The following ETV4 variants were observed in gnomAD, a reference collection of about 807,000 sequenced individuals.
The protein encoded by ETV4 is ETS variant transcription factor 4, also known as ETS translocation variant 4.
A neutral mutation model predicts 65.9 loss-of-function variants in ETV4; 42 were observed. The observed-to-expected ratio is 0.64, with a 90% CI of 0.50 to 0.82. The LOEUF is 0.82. Among genes scored for constraint, ETV4 ranks in the 40% least tolerant of loss-of-function variants. The pLI, the probability that ETV4 is intolerant of heterozygous loss-of-function variation, is 0.00. For missense variants in ETV4, 583 were observed against 630.3 expected (o/e 0.92, Z 0.80); for synonymous variants, 238 against 260.0 (o/e 0.92, Z 0.81).
Position 43,530,195 on chromosome 17 carries a change from AG to A in ETV4, c.812-15del, listed in dbSNP as rs954615547. 3.2e-6 allele frequency: 5 copies of A among 1,553,188 alleles called. No individual in the cohort carries two copies. In the African/African-American group the frequency reaches 6.8e-5, roughly 21 times the overall value. ...ACCCGGTGACATCTGTGGGGGAAGA[AG>A]GGGTGATGTGAGAAGTGGCTTGGGG... On this transcript the variant is annotated splice_polypyrimidine_tract_variant and intron_variant, in intron 8 of 12. Coordinates refer to ENST00000319349, the MANE Select transcript of ETV4 (RefSeq NM_001079675.5).
rs1386698866 is a variant in ETV4 at position 43,529,918 on chromosome 17, T to C, written c.921A>G (p.Pro307=). The part of the protein sequence containing the change: ...YGYEKPLRPF[P]DDVCVVPEKF... ...TCTCAGGGACAACGCAGACATCATCTGGGAATGGTCGCAGAGGTTTCTCAT... is the reference window on the plus strand; with the variant it reads ...TCTCAGGGACAACGCAGACATCATCCGGGAATGGTCGCAGAGGTTTCTCAT... Residue 307 remains proline (P), a synonymous_variant, in exon 10 of 13, where the codon CCA becomes CCG. Coordinates refer to ENST00000319349, the MANE Select transcript of ETV4 (RefSeq NM_001079675.5). 8.7e-6 allele frequency: 14 copies of C among 1,614,062 alleles called. No individual in the cohort carries two copies. In the East Asian group the frequency reaches 8.9e-5, roughly 10 times the overall value.
intron 12 of ETV4, 46 bp from the exon 13 acceptor site, chr17:43,528,789 C>T (rs776677055): frequency 1.3e-6 from 2 of 1,533,814 alleles, no homozygotes; most frequent in East Asian, 2.3e-5. Context: ...GCCGCCCAGC[C>T]TTTGTATGGG....
At position 43,545,584 on chromosome 17, in the gene ETV4, G is replaced by C; in HGVS notation, c.34C>G (p.Gln12Glu). ...ERRMKAGYLDQQVPYTFSSKS... is the reference protein window; with the variant it reads ...ERRMKAGYLDEQVPYTFSSKS... Reference sequence around the variant, plus strand: ...CTGCTGAAGGTGTAGGGCACTTGCTGGTCCAAGTATCCGGCTTTCATCCTC... The same window carrying C: ...CTGCTGAAGGTGTAGGGCACTTGCTCGTCCAAGTATCCGGCTTTCATCCTC... The change falls in exon 2 of 13, where the codon CAG becomes GAG. Residue 12 changes from glutamine (Q) to glutamate (E), a missense_variant. Transcript: ENST00000319349. 1 of 1,550,878 alleles carries C rather than the reference G, an allele frequency of 6.4e-7. No individual in the cohort carries two copies. The highest frequency in any genetic ancestry group is 8.7e-7 in the Non-Finnish European group (1 of 1,146,874).
Position 43,529,103 on chromosome 17 carries a change from C to G in ETV4, c.1230+32G>C, listed in dbSNP as rs769840030. 31 of 1,605,390 alleles carry G rather than the reference C, an allele frequency of 1.9e-5. 1 individual carries two copies. The highest frequency in any genetic ancestry group is 1.7e-5 in the Non-Finnish European group (20 of 1,172,694). On this transcript the variant is annotated intron_variant, in intron 12 of 12. Coordinates refer to ENST00000319349, the MANE Select transcript of ETV4 (RefSeq NM_001079675.5). The stretch of plus-strand genomic sequence containing the variant: ...TCAGCTTCTCACAGCCACTGCCCCC[C>G]ACCACCTTGTCCCTAGACCCACAGC...
chr17:43,530,453 GCTGCCAGGGAGCAGCTGTTTC>G, intron 8 of ETV4: 1 of 1,356,918 alleles, frequency 7.4e-7, no homozygotes, highest in Non-Finnish European at 9.5e-7. Flanking sequence ...AAGGGCCCAA[GCTGCCAGGGAGCAGCTGTTTC>G]CTGCGAGTTC....
chr17:43,545,933 A>AAGTG, intron 1 of ETV4: 2 of 266,550 alleles, frequency 7.5e-6, no homozygotes, highest in South Asian at 3.0e-5. Flanking sequence ...TTACATAAGA[A>AAGTG]CGTGTGTGTG....
At chr17:43,541,741 G>T (rs954659192) in intron 4 of ETV4, among the ~76,000 whole-genome samples, 2 of 152,142 alleles carry the variant, frequency 1.3e-5, no homozygotes, top group African/African-American at 4.8e-5. Context: ...TGTCACCGCT[G>T]TCCCTTACCC....
At chr17:43,530,923 T>A (rs900133617) in intron 8 of ETV4, among the ~76,000 whole-genome samples, 2 of 152,060 alleles carry the variant, frequency 1.3e-5, no homozygotes, top group African/African-American at 4.8e-5. Flanking sequence ...CTCCATTTTG[T>A]GAATGGAATT....
rs56230804 is a variant in ETV4, at chr17:43,545,489, G to T, written c.60+69C>A. The T allele has an allele frequency of 1.3e-3, 1,983 of 1,475,964 alleles. 24 individuals are homozygous for T. In the African/African-American group the frequency reaches 0.024, roughly 18 times the overall value. The allele number at this position is 1,475,964 out of a possible 1,614,324, so 91.4% of individuals were successfully genotyped here. A position where few individuals can be genotyped will look rare whatever the true frequency, so the allele number is the denominator to read the frequency against. On this transcript the variant is annotated intron_variant, in intron 2 of 12. Coordinates refer to ENST00000319349, the MANE Select transcript of ETV4 (RefSeq NM_001079675.5). ...CAGGACTCCGCTGGGACTGCGGGGA[G>T]GGGGGCTGTGGTGAGAGTAGGGGCT...
chr17:43,529,255 T>C lies in ETV4; in HGVS notation c.1129-19A>G, dbSNP rs1970759043. On this transcript the variant is annotated intron_variant, in intron 11 of 12. Transcript: ENST00000319349. ...TGGCGACCTGGGAACAAAACAGTTT[T>C]GGGGTAGAGATGCTACCTTGGCAGA... The C allele has an allele frequency of 5.0e-6, 8 of 1,612,834 alleles. No individual in the cohort carries two copies. Among genetic ancestry groups the C allele is most frequent in the Non-Finnish European group, 6.8e-6 (8 of 1,179,002 alleles).
At chr17:43,543,105 T>C (rs926311505) in intron 4 of ETV4, among the ~76,000 whole-genome samples, 9 of 151,618 alleles carry the variant, frequency 5.9e-5, no homozygotes, top group Non-Finnish European at 7.4e-5. Flanking sequence ...CCCTCAGACC[T>C]GGCCATCCAT....
intron 1 of ETV4, chr17:43,545,954 T>TGC (rs1971802691): frequency 6.2e-6 from 2 of 325,106 alleles, no homozygotes; most frequent in Admixed American, 4.7e-5. Flanking sequence ...TGTGTGTGTG[T>TGC]GTGTGTGTGT....
chr17:43,545,446 C>T (rs756799417), intron 2 of ETV4, 79 bp from the exon 3 acceptor site: 77 of 1,463,232 alleles, frequency 5.3e-5, no homozygotes, highest in Admixed American at 2.7e-4. Flanking sequence ...CCTCGGGTGA[C>T]TCAGGGGCGG....
chr17:43,536,213 G>C, intron 5 of ETV4: 1 of 593,058 alleles, frequency 1.7e-6, no homozygotes, highest in Non-Finnish European at 3.0e-6. Context: ...GAGAACCAGA[G>C]GGATAGTGTC....
Position 43,528,442 on chromosome 17 carries a change from G to T in ETV4, c.*77C>A. 2.9e-6 allele frequency: 3 copies of T among 1,028,144 alleles called. No homozygotes were observed. Among genetic ancestry groups the T allele is most frequent in the Non-Finnish European group, 4.2e-6 (3 of 707,228 alleles). The allele number at this position is 1,028,144 out of a possible 1,614,324, so 63.7% of individuals were successfully genotyped here. A position where few individuals can be genotyped will look rare whatever the true frequency, so the allele number is the denominator to read the frequency against. ...GAGACATCTGTGGGTTTCAGATGAA[G>T]GTTTCCCCAACACCAGATTCATTTA... On this transcript the variant is annotated 3_prime_UTR_variant, in exon 13 of 13. Transcript: ENST00000319349.
chr17:43,543,296 T>TCA (rs1555559966), intron 4 of ETV4, among the ~76,000 whole-genome samples: 47 of 143,390 alleles, frequency 3.3e-4, no homozygotes, highest in Non-Finnish European at 4.7e-4. Context: ...TCTCTCTCTC[T>TCA]CACACACACA....
intron 4 of ETV4, among the ~76,000 whole-genome samples, chr17:43,542,541 C>T (rs1971576373): frequency 6.6e-6 from 1 of 152,130 alleles, no homozygotes; most frequent in African/African-American, 2.4e-5. Flanking sequence ...CTGATTCTTT[C>T]CCCAACATCT....
intron 8 of ETV4, among the ~76,000 whole-genome samples, chr17:43,531,845 A>G (rs1021794212): frequency 6.6e-6 from 1 of 152,198 alleles, no homozygotes; most frequent in Non-Finnish European, 1.5e-5. Flanking sequence ...GATAGGGACC[A>G]GACACATCCT....
rs772586403 is a variant in ETV4 at position 43,532,796 on chromosome 17, T to C, written c.689A>G (p.His230Arg). 1 of 1,613,860 alleles carries C rather than the reference T, an allele frequency of 6.2e-7. No individual in the cohort carries two copies. The highest frequency in any genetic ancestry group is 1.1e-5 in the South Asian group (1 of 91,064). Reference sequence around the variant, plus strand: ...GCCCGCCTGTTCATACAGGGGATCATGGTATTCTTGCTTAAAGCTCTGCTG... The same window carrying C: ...GCCCGCCTGTTCATACAGGGGATCACGGTATTCTTGCTTAAAGCTCTGCTG... ...YPQQSFKQEY[H>R]DPLYEQAGQP... Residue 230 changes from histidine (H) to arginine (R), a missense_variant, in exon 8 of 13, where the codon CAT (histidine) becomes CGT (arginine). Transcript: ENST00000319349.
Sources: gnomAD v4.1 joint callset for allele counts (sites outside exome capture counted in the v4.1 genomes callset) on GRCh38, gnomAD v4.1.1 for gene constraint, MANE v1.5 for transcripts, NCBI Gene and HGNC (gene_info 2026-07-23, HGNC 2026-07-21) for gene names.